Variants in GALNTL6 observed in about 807,000 individuals in gnomAD.
GALNTL6 encodes polypeptide N-acetylgalactosaminyltransferase like 6.
GALNTL6 carries 46 observed loss-of-function variants against 73.7 expected under a neutral mutation model. That is an observed-to-expected ratio of 0.62 (90% confidence interval 0.49 to 0.80). The LOEUF (loss-of-function observed/expected upper bound fraction) is 0.80. GALNTL6 is among the 30% of genes least tolerant of loss of function. GALNTL6 has a pLI of 0.00. For missense variants in GALNTL6, 604 were observed against 755.0 expected (o/e 0.80, Z 2.34); for synonymous variants, 259 against 263.7 (o/e 0.98, Z 0.17).
intron 2 of GALNTL6, among the ~76,000 whole-genome samples, chr4:171,888,918 T>C (rs56089625): frequency 6.6e-6 from 1 of 152,134 alleles, no homozygotes; most frequent in South Asian, 2.1e-4. Context: ...ACACGTTCTA[T>C]GATTTGTTGT....
At chr4:172,153,866 A>AT (rs1163949360) in intron 2 of GALNTL6, among the ~76,000 whole-genome samples, 1 of 152,248 alleles carries the variant, frequency 6.6e-6, no homozygotes, top group Non-Finnish European at 1.5e-5. Flanking sequence ...CAGACTCATC[A>AT]AAGTACAATA....
At chr4:172,794,440 C>A (rs1740157644) in intron 5 of GALNTL6, among the ~76,000 whole-genome samples, 1 of 152,122 alleles carries the variant, frequency 6.6e-6, no homozygotes, top group Admixed American at 6.6e-5. Flanking sequence ...AGTAAATAGG[C>A]AATTCATTTT....
intron 2 of GALNTL6, among the ~76,000 whole-genome samples, chr4:172,145,301 A>G (rs1826310): frequency 0.91 from 138,732 of 152,060 alleles, 63,307 homozygotes; most frequent in Middle Eastern, 0.95. Flanking sequence ...CACTACGCCC[A>G]GCTAATTTTT....
chr4:171,983,988 A>C (rs902459556), intron 2 of GALNTL6, among the ~76,000 whole-genome samples: 1 of 152,186 alleles, frequency 6.6e-6, no homozygotes, highest in Non-Finnish European at 1.5e-5. Flanking sequence ...ACATGTGCCC[A>C]GCAGCATCTC....
intron 3 of GALNTL6, among the ~76,000 whole-genome samples, chr4:172,245,846 C>T (rs746799935): frequency 6.6e-6 from 1 of 152,136 alleles, no homozygotes; most frequent in Non-Finnish European, 1.5e-5. Flanking sequence ...TTTCCAGAGA[C>T]TGACTTCAGA....
intron 2 of GALNTL6, among the ~76,000 whole-genome samples, chr4:172,027,141 C>T (rs1447128160): frequency 6.6e-6 from 1 of 152,166 alleles, no homozygotes; most frequent in African/African-American, 2.4e-5. Context: ...AATCCTCCCA[C>T]TTCAACCTCC....
chr4:172,983,142 T>A (rs1045418615), intron 10 of GALNTL6, among the ~76,000 whole-genome samples: 14 of 152,136 alleles, frequency 9.2e-5, no homozygotes, highest in East Asian at 1.9e-4. Flanking sequence ...TACATTTTTT[T>A]AAAAAAAGAG....
At chr4:173,035,816 A>G (rs1332432266) in intron 12 of GALNTL6, among the ~76,000 whole-genome samples, 1 of 152,168 alleles carries the variant, frequency 6.6e-6, no homozygotes, top group Non-Finnish European at 1.5e-5. Context: ...TGAAAATTCT[A>G]TTTTGCCAGG....
chr4:172,175,158 T>G (rs916852563), intron 2 of GALNTL6, among the ~76,000 whole-genome samples: 1 of 151,500 alleles, frequency 6.6e-6, no homozygotes, highest in Non-Finnish European at 1.5e-5. Context: ...CTCACTGCAC[T>G]CTCCACCTCT....
At chr4:172,472,223 C>G (rs1388763956) in intron 5 of GALNTL6, among the ~76,000 whole-genome samples, 1 of 152,122 alleles carries the variant, frequency 6.6e-6, no homozygotes, top group Non-Finnish European at 1.5e-5. Flanking sequence ...TACATATTTT[C>G]TAGTTTGATT....
intron 2 of GALNTL6, among the ~76,000 whole-genome samples, chr4:171,910,320 G>A (rs568076655): frequency 1.3e-5 from 2 of 151,932 alleles, no homozygotes; most frequent in Admixed American, 6.6e-5. Flanking sequence ...TTGTACCACA[G>A]GGGAGAAACA....
chr4:172,430,565 A>G (rs1189688463), intron 5 of GALNTL6, among the ~76,000 whole-genome samples: 1 of 152,188 alleles, frequency 6.6e-6, no homozygotes, highest in African/African-American at 2.4e-5. Context: ...TTATCTTTAA[A>G]GTTTGGTAAT....
chr4:172,552,989 G>A (rs987751641), intron 5 of GALNTL6, among the ~76,000 whole-genome samples: 6 of 152,054 alleles, frequency 3.9e-5, no homozygotes, highest in African/African-American at 1.4e-4. Flanking sequence ...TATAGCTATA[G>A]TGTATTTTAT....
intron 5 of GALNTL6, among the ~76,000 whole-genome samples, chr4:172,730,147 T>C (rs114648928): frequency 1.3e-5 from 2 of 152,344 alleles, no homozygotes; most frequent in African/African-American, 4.8e-5. Context: ...TTTCGATTTT[T>C]CTAAATGTAA....
intron 5 of GALNTL6, among the ~76,000 whole-genome samples, chr4:172,655,121 T>A (rs1730908111): frequency 6.6e-6 from 1 of 152,184 alleles, no homozygotes; most frequent in African/African-American, 2.4e-5. Flanking sequence ...TAATATTTAA[T>A]TCCATTTAAA....
chr4:172,707,352 G>T (rs1219147029), intron 5 of GALNTL6, among the ~76,000 whole-genome samples: 3 of 152,146 alleles, frequency 2.0e-5, no homozygotes, highest in Non-Finnish European at 4.4e-5. Context: ...CAAATCAGTA[G>T]TCAGATAGAT....
chr4:172,036,718 C>A (rs1458523765), intron 2 of GALNTL6, among the ~76,000 whole-genome samples: 3 of 152,122 alleles, frequency 2.0e-5, no homozygotes, highest in Non-Finnish European at 1.5e-5. Flanking sequence ...TGAACTCCAA[C>A]AAAAACCCTA....
At chr4:172,945,880 G>A (rs1188074732) in intron 9 of GALNTL6, among the ~76,000 whole-genome samples, 1 of 152,156 alleles carries the variant, frequency 6.6e-6, no homozygotes, top group African/African-American at 2.4e-5. Flanking sequence ...AATCTCTTTT[G>A]AGCTGTACCC....
rs537491121 is a variant in GALNTL6, at chr4:172,860,674, T to C, written c.924-22116T>C. Among the ~76,000 whole-genome samples, 104 of 152,242 alleles carry C rather than the reference T, an allele frequency of 6.8e-4. 1 individual carries two copies. The highest frequency in any genetic ancestry group is 2.4e-3 in the African/African-American group (99 of 41,540). On this transcript the variant is annotated intron_variant, in intron 7 of 12. Transcript: ENST00000506823. The stretch of plus-strand genomic sequence containing the variant: ...TCTATCTTACTATAATGCTTATAAG[T>C]GAAGTAAGAGAAGATGCTTCTAAAT...
Sources: gnomAD v4.1 joint callset for allele counts (sites outside exome capture counted in the v4.1 genomes callset) on GRCh38, gnomAD v4.1.1 for gene constraint, MANE v1.5 for transcripts, NCBI Gene and HGNC (gene_info 2026-07-23, HGNC 2026-07-21) for gene names.